The following SCHIP1 variants were observed in gnomAD, a reference collection of about 807,000 sequenced individuals.
SCHIP1 encodes schwannomin-interacting protein 1.
In SCHIP1, 8 loss-of-function variants were observed where a neutral mutation model predicts 29.7. The ratio of observed to expected loss-of-function variants is 0.27; its 90% CI spans 0.16 to 0.49. The LOEUF (loss-of-function observed/expected upper bound fraction) is 0.49, where lower values mean the gene tolerates loss of function less well. Ranked by LOEUF, SCHIP1 falls within the 20% of genes least tolerant of loss-of-function variation. SCHIP1 has a pLI of 0.99. For missense variants in SCHIP1, 193 were observed against 294.6 expected (o/e 0.66, Z 2.52); for synonymous variants, 76 against 94.9 (o/e 0.80, Z 1.16).
chr3:159,305,555 A>G, the SCHIP1 span, among the ~76,000 whole-genome samples: 1 of 152,174 alleles, frequency 6.6e-6, no homozygotes, highest in Non-Finnish European at 1.5e-5. Context: ...CTCTGAGACC[A>G]TGTCCCATCA....
exon 1 of SCHIP1, chr3:159,840,099 C>A (rs891984233): frequency 1.2e-5 from 18 of 1,527,278 alleles, no homozygotes; most frequent in Non-Finnish European, 1.6e-5. Context: ...GCGTTCTCTC[C>A]GCCCGCCGGT....
At chr3:159,750,263 G>GTGTGTATA in the SCHIP1 span, among the ~76,000 whole-genome samples, 2 of 25,104 alleles carry the variant, frequency 8.0e-5, no homozygotes, top group Admixed American at 4.3e-4. Flanking sequence ...ATGTGTGTGT[G>GTGTGTATA]TATATATATA....
the SCHIP1 span, among the ~76,000 whole-genome samples, chr3:159,790,177 A>T: frequency 5.3e-5 from 8 of 152,046 alleles, no homozygotes; most frequent in Non-Finnish European, 1.0e-4. Flanking sequence ...TGCTCCTCAG[A>T]CTCTACTCAG....
At chr3:159,710,333 C>A in the SCHIP1 span, among the ~76,000 whole-genome samples, 1 of 151,892 alleles carries the variant, frequency 6.6e-6, no homozygotes, top group African/African-American at 2.4e-5. Flanking sequence ...GTGAAATAAG[C>A]CAGGCACAGA....
the SCHIP1 span, among the ~76,000 whole-genome samples, chr3:159,623,847 G>T: frequency 6.6e-6 from 1 of 151,998 alleles, no homozygotes; most frequent in Admixed American, 6.6e-5. Context: ...TCTCTATTTT[G>T]CCCATACCCC....
chr3:159,683,774 A>G, the SCHIP1 span, among the ~76,000 whole-genome samples: 447 of 152,336 alleles, frequency 2.9e-3, 6 homozygotes, highest in African/African-American at 0.01. Context: ...CCATTCAACC[A>G]GAGCTCCACT....
intron 2 of SCHIP1, among the ~76,000 whole-genome samples, chr3:159,878,204 G>A (rs1259151587): frequency 3.9e-5 from 6 of 152,214 alleles, no homozygotes; most frequent in Non-Finnish European, 7.3e-5. Flanking sequence ...AAGGCCGGGC[G>A]CAGTGACTCA....
chr3:159,852,381 A>G (rs2109112156), intron 1 of SCHIP1, among the ~76,000 whole-genome samples: 1 of 152,320 alleles, frequency 6.6e-6, no homozygotes, highest in Admixed American at 6.5e-5. Context: ...TTTTTTGGAA[A>G]TAAACACTGG....
the SCHIP1 span, among the ~76,000 whole-genome samples, chr3:159,370,476 G>T: frequency 1.3e-5 from 2 of 152,222 alleles, no homozygotes; most frequent in African/African-American, 4.8e-5. Flanking sequence ...TTTACAGGCT[G>T]TGATGGTTAA....
chr3:159,463,276 G>A, the SCHIP1 span, among the ~76,000 whole-genome samples: 3 of 152,044 alleles, frequency 2.0e-5, no homozygotes, highest in Non-Finnish European at 4.4e-5. Context: ...TATTTGCAGA[G>A]CTTTTGGGAA....
chr3:159,454,615 T>G, the SCHIP1 span, among the ~76,000 whole-genome samples: 1 of 152,202 alleles, frequency 6.6e-6, no homozygotes, highest in Admixed American at 6.5e-5. Flanking sequence ...ATTTTCCCTA[T>G]AGCAAACAAT....
chr3:159,307,437 A>T, the SCHIP1 span, among the ~76,000 whole-genome samples: 1 of 152,204 alleles, frequency 6.6e-6, no homozygotes, highest in Non-Finnish European at 1.5e-5. Context: ...TATCTAGTAC[A>T]TATGCATAGG....
the SCHIP1 span, among the ~76,000 whole-genome samples, chr3:159,405,657 C>A: frequency 1.3e-5 from 2 of 151,670 alleles, no homozygotes; most frequent in South Asian, 4.2e-4. Context: ...GGCAGGCAGA[C>A]CACGAGGTTA....
intron 2 of SCHIP1, among the ~76,000 whole-genome samples, chr3:159,871,534 T>A (rs999255226): frequency 1.2e-4 from 18 of 152,188 alleles, no homozygotes; most frequent in African/African-American, 4.1e-4. Flanking sequence ...AAATATTTGT[T>A]GAATAAATGA....
the SCHIP1 span, among the ~76,000 whole-genome samples, chr3:159,724,822 T>C: frequency 2.6e-4 from 39 of 152,242 alleles, no homozygotes; most frequent in Non-Finnish European, 4.8e-4. Context: ...TTAAAAATGT[T>C]TTCTTATGAA....
At chr3:159,801,830 G>GA in the SCHIP1 span, among the ~76,000 whole-genome samples, 36 of 151,946 alleles carry the variant, frequency 2.4e-4, no homozygotes, top group East Asian at 6.2e-3. Flanking sequence ...CACGAGGTAG[G>GA]AAAAAAACTC....
At chr3:159,420,728 G>T in the SCHIP1 span, among the ~76,000 whole-genome samples, 2 of 152,132 alleles carry the variant, frequency 1.3e-5, no homozygotes, top group African/African-American at 4.8e-5. Flanking sequence ...ATTATTTTTG[G>T]CAGATGTCTT....
chr3:159,734,787 C>CTTTTTTTTTTTTTTTTTTTTTTTTGTT, the SCHIP1 span, among the ~76,000 whole-genome samples: 1 of 110,508 alleles, frequency 9.0e-6, no homozygotes, highest in Non-Finnish European at 1.9e-5. Context: ...CTTTTCTTGT[C>CTTTTTTTTTTTTTTTTTTTTTTTTGTT]TTTTTTTTTT....
chr3:159,389,178 T>C, the SCHIP1 span, among the ~76,000 whole-genome samples: 1 of 152,092 alleles, frequency 6.6e-6, no homozygotes, highest in Non-Finnish European at 1.5e-5. Context: ...TCATTGAAAT[T>C]AGAAAGTATA....
Sources: allele counts gnomAD v4.1 joint callset (sites outside exome capture counted in the v4.1 genomes callset), GRCh38; gene constraint gnomAD v4.1.1; transcripts MANE v1.5; gene names NCBI Gene and HGNC (gene_info 2026-07-23, HGNC 2026-07-21).